GALNT13: variants seen among roughly 807,000 people sequenced by gnomAD.
The protein encoded by GALNT13 is polypeptide N-acetylgalactosaminyltransferase 13.
GALNT13 carries 28 observed loss-of-function variants against 64.2 expected under a neutral mutation model. The observed-to-expected ratio is 0.44, with a 90% CI of 0.32 to 0.60. The LOEUF is 0.60. Ranked by LOEUF, GALNT13 falls within the 20% of genes least tolerant of loss-of-function variation. GALNT13 has a pLI of 0.05. For missense variants in GALNT13, 577 were observed against 669.8 expected, an observed-to-expected ratio of 0.86 and a Z score of 1.53; for synonymous variants, 214 against 224.6, an observed-to-expected ratio of 0.95 and a Z score of 0.42.
chr2:154,417,789 G>A (rs1185395277), intron 11 of GALNT13, among the ~76,000 whole-genome samples: 1 of 152,012 alleles, frequency 6.6e-6, no homozygotes, highest in Admixed American at 6.6e-5. Flanking sequence ...TGGGATTACA[G>A]GTGTGAGCCA....
intron 3 of GALNT13, among the ~76,000 whole-genome samples, chr2:154,071,448 C>A (rs1338097509): frequency 6.6e-6 from 1 of 152,056 alleles, no homozygotes; most frequent in Admixed American, 6.6e-5. Context: ...GCTTTTATTG[C>A]AGACAGAAAA....
At chr2:153,481,892 T>C in the GALNT13 span, among the ~76,000 whole-genome samples, 15 of 152,176 alleles carry the variant, frequency 9.9e-5, no homozygotes, top group Non-Finnish European at 1.6e-4. Context: ...TATCAAACAT[T>C]GAAAGGATAT....
the GALNT13 span, among the ~76,000 whole-genome samples, chr2:153,724,036 A>G: frequency 1.4e-5 from 2 of 145,676 alleles, no homozygotes; most frequent in Admixed American, 6.8e-5. Context: ...GAGGCATCAC[A>G]CTACCTGACT....
chr2:153,441,162 A>T, the GALNT13 span, among the ~76,000 whole-genome samples: 33 of 152,240 alleles, frequency 2.2e-4, no homozygotes, highest in Non-Finnish European at 4.7e-4. Flanking sequence ...AGATTTCTGC[A>T]TATGGCTGGC....
chr2:153,306,357 T>G, the GALNT13 span, among the ~76,000 whole-genome samples: 1 of 152,204 alleles, frequency 6.6e-6, no homozygotes, highest in Non-Finnish European at 1.5e-5. Flanking sequence ...GAATTACTCA[T>G]GTGCGATACA....
At chr2:153,163,842 A>AC in the GALNT13 span, among the ~76,000 whole-genome samples, 40 of 152,008 alleles carry the variant, frequency 2.6e-4, no homozygotes, top group African/African-American at 9.7e-4. Flanking sequence ...ACACGGTGAA[A>AC]CCCCATCTCT....
the GALNT13 span, among the ~76,000 whole-genome samples, chr2:153,291,070 T>C: frequency 1.3e-5 from 2 of 152,168 alleles, no homozygotes; most frequent in African/African-American, 4.8e-5. Flanking sequence ...TCTCAAAAAA[T>C]AAACAAAGTT....
chr2:154,156,400 T>G (rs1404268033), intron 4 of GALNT13, among the ~76,000 whole-genome samples: 1 of 152,070 alleles, frequency 6.6e-6, no homozygotes, highest in Non-Finnish European at 1.5e-5. Flanking sequence ...GGAAGATATA[T>G]TTTCCCCCAT....
chr2:154,323,828 G>T (rs1364617079), intron 9 of GALNT13, among the ~76,000 whole-genome samples: 1 of 151,970 alleles, frequency 6.6e-6, no homozygotes, highest in Non-Finnish European at 1.5e-5. Context: ...ATGGACATAT[G>T]TCCATAAGAA....
At chr2:153,069,103 G>T in the GALNT13 span, among the ~76,000 whole-genome samples, 1 of 152,144 alleles carries the variant, frequency 6.6e-6, no homozygotes, top group African/African-American at 2.4e-5. Context: ...ATGCCCTGTA[G>T]GAGACATTTG....
chr2:154,084,197 A>C lies in GALNT13; in HGVS notation c.143-56140A>C, dbSNP rs578038553. On this transcript the variant is annotated intron_variant, in intron 3 of 12. Transcript: ENST00000392825. ...TTCACTTTTTATTGTAAAAGGTTAAAGAACTTTACAAAATAATTTTTATTA... is the reference window on the plus strand; with the variant it reads ...TTCACTTTTTATTGTAAAAGGTTAACGAACTTTACAAAATAATTTTTATTA... 3.3e-5 allele frequency among the ~76,000 whole-genome samples: 5 copies of C among 152,006 alleles called. No homozygotes were observed. In the South Asian group the frequency reaches 1.0e-3, roughly 31 times the overall value.
chr2:153,630,689 A>T, the GALNT13 span, among the ~76,000 whole-genome samples: 1 of 142,900 alleles, frequency 7.0e-6, no homozygotes, highest in Non-Finnish European at 1.5e-5. Context: ...AAAAAAAATT[A>T]AAAAAAATTA....
At chr2:154,313,379 T>A (rs950177809) in intron 9 of GALNT13, among the ~76,000 whole-genome samples, 1 of 147,846 alleles carries the variant, frequency 6.8e-6, no homozygotes, top group African/African-American at 2.5e-5. Context: ...GATATCTATA[T>A]ACACTATATT....
the GALNT13 span, among the ~76,000 whole-genome samples, chr2:153,609,047 G>T: frequency 6.6e-6 from 1 of 151,500 alleles, no homozygotes; most frequent in African/African-American, 2.4e-5. Context: ...CTCCAGAGTA[G>T]CTGAGACTGC....
chr2:153,535,225 G>A, the GALNT13 span, among the ~76,000 whole-genome samples: 944 of 152,186 alleles, frequency 6.2e-3, 9 homozygotes, highest in South Asian at 0.014. Context: ...TGTATGAATT[G>A]AAAAACCAAA....
intron 3 of GALNT13, among the ~76,000 whole-genome samples, chr2:153,946,284 G>A (rs1456119520): frequency 6.6e-6 from 1 of 152,086 alleles, no homozygotes; most frequent in East Asian, 1.9e-4. Flanking sequence ...GTAACACAAA[G>A]GTACAGTTTT....
chr2:153,676,206 CA>C, the GALNT13 span, among the ~76,000 whole-genome samples: 2 of 151,908 alleles, frequency 1.3e-5, no homozygotes, highest in Non-Finnish European at 2.9e-5. Context: ...ACCAGGAATA[CA>C]AAAAACCCTC....
the GALNT13 span, among the ~76,000 whole-genome samples, chr2:153,593,982 T>A: frequency 6.6e-6 from 1 of 152,148 alleles, no homozygotes. Flanking sequence ...TGACCCACAT[T>A]GACAATATGC....
chr2:153,524,848 T>C, the GALNT13 span, among the ~76,000 whole-genome samples: 543 of 152,298 alleles, frequency 3.6e-3, 4 homozygotes, highest in African/African-American at 0.012. Flanking sequence ...AGGCGAGTTC[T>C]TGTGCTGAAC....
Sources: allele counts gnomAD v4.1 joint callset (sites outside exome capture counted in the v4.1 genomes callset), GRCh38; gene constraint gnomAD v4.1.1; transcripts MANE v1.5; gene names NCBI Gene and HGNC (gene_info 2026-07-23, HGNC 2026-07-21).